TRIM2: variants seen among roughly 807,000 people sequenced by gnomAD.
The protein encoded by TRIM2 is tripartite motif-containing protein 2.
TRIM2 carries 20 observed loss-of-function variants against 75.2 expected under a neutral mutation model. The observed-to-expected ratio is 0.27, with a 90% CI of 0.19 to 0.39. The LOEUF (loss-of-function observed/expected upper bound fraction) is 0.39, where lower values mean the gene tolerates loss of function less well. Ranked by LOEUF, TRIM2 falls within the 10% of genes least tolerant of loss-of-function variation. TRIM2 has a pLI of 1.00. For missense variants in TRIM2, 660 were observed against 990.8 expected (o/e 0.67, Z 4.48); for synonymous variants, 373 against 388.3 (o/e 0.96, Z 0.46).
chr4:153,290,801 A>T (rs1761696539), intron 3 of TRIM2, among the ~76,000 whole-genome samples: 1 of 152,018 alleles, frequency 6.6e-6, no homozygotes, highest in Non-Finnish European at 1.5e-5. Flanking sequence ...TAATTTTTTA[A>T]ATTTTTTTCT....
chr4:153,269,656 A>G (rs145817068), intron 1 of TRIM2, among the ~76,000 whole-genome samples: 110 of 152,362 alleles, frequency 7.2e-4, no homozygotes, highest in African/African-American at 2.6e-3. Flanking sequence ...ATATGTTTAA[A>G]TATAGTCATG....
At chr4:153,209,377 A>G (rs1403760262) in intron 1 of TRIM2, among the ~76,000 whole-genome samples, 6 of 152,246 alleles carry the variant, frequency 3.9e-5, no homozygotes. Context: ...ACTCAACTGG[A>G]ATTGCACTCC....
At chr4:153,196,577 C>A (rs139119171) in intron 1 of TRIM2, among the ~76,000 whole-genome samples, 294 of 152,322 alleles carry the variant, frequency 1.9e-3, no homozygotes, top group African/African-American at 6.5e-3. Flanking sequence ...GTACCCAGCA[C>A]GTAACAAATG....
chr4:153,274,948 AG>A (rs1211465682), intron 2 of TRIM2, among the ~76,000 whole-genome samples: 1 of 152,202 alleles, frequency 6.6e-6, no homozygotes, highest in African/African-American at 2.4e-5. Context: ...CTCTGATGTC[AG>A]GTCTATTCAT....
upstream of TRIM2, among the ~76,000 whole-genome samples, chr4:153,199,973 A>C: frequency 8.0e-6 from 1 of 125,466 alleles, no homozygotes; most frequent in East Asian, 2.2e-4. Context: ...ATGGAGTCTC[A>C]CTCTGTCGCC....
At chr4:153,260,720 ACACAC>A (rs1753296298) in intron 1 of TRIM2, among the ~76,000 whole-genome samples, 1 of 88,776 alleles carries the variant, frequency 1.1e-5, no homozygotes, top group African/African-American at 4.5e-5. Flanking sequence ...ACACACACAC[ACACAC>A]ATCATCATCA....
chr4:153,276,371 C>T, intron 3 of TRIM2: 1 of 539,622 alleles, frequency 1.9e-6, no homozygotes, highest in African/African-American at 1.9e-5. Context: ...CCCAGGACAG[C>T]AAACCAGTAG....
At chr4:153,177,118 G>A (rs1245707305) in intron 1 of TRIM2, among the ~76,000 whole-genome samples, 3 of 152,202 alleles carry the variant, frequency 2.0e-5, no homozygotes, top group African/African-American at 7.2e-5. Context: ...TCAGGAGCTA[G>A]CATGGCTAAG....
intron 1 of TRIM2, among the ~76,000 whole-genome samples, chr4:153,244,450 G>C (rs1424749072): frequency 8.2e-6 from 1 of 122,586 alleles, no homozygotes; most frequent in African/African-American, 2.9e-5. Flanking sequence ...AATTAGAGAG[G>C]AGGCCTCACT....
At chr4:153,294,911 G>A (rs983306722) in intron 5 of TRIM2, among the ~76,000 whole-genome samples, 9 of 152,214 alleles carry the variant, frequency 5.9e-5, no homozygotes, top group Admixed American at 5.9e-4. Context: ...ATGTTCAGGT[G>A]TGGAGAGTTT....
chr4:153,263,655 G>A (rs540111435), intron 1 of TRIM2, among the ~76,000 whole-genome samples: 28 of 152,300 alleles, frequency 1.8e-4, no homozygotes, highest in African/African-American at 6.3e-4. Flanking sequence ...TACATAGTAT[G>A]TCGGAAGGCT....
intron 1 of TRIM2, among the ~76,000 whole-genome samples, chr4:153,221,597 A>G (rs1309795024): frequency 6.6e-6 from 1 of 152,116 alleles, no homozygotes; most frequent in African/African-American, 2.4e-5. Flanking sequence ...CCCAAAGAAG[A>G]TAAGGCCCTT....
chr4:153,203,016 A>C (rs191586399), upstream of TRIM2, among the ~76,000 whole-genome samples: 44 of 151,368 alleles, frequency 2.9e-4, no homozygotes, highest in Admixed American at 8.6e-4. Flanking sequence ...GAGGCACAAG[A>C]ATCACTTGAA....
chr4:153,335,204 C>T lies in TRIM2; in HGVS notation c.*238C>T. 2 of 1,203,128 alleles carry T rather than the reference C, an allele frequency of 1.7e-6. No individual in the cohort carries two copies. The highest frequency in any genetic ancestry group is 2.1e-6 in the Non-Finnish European group (2 of 967,228). 74.5% of individuals were successfully genotyped at this position (1,203,128 alleles called of 1,614,324 possible). A position where few individuals can be genotyped will look rare whatever the true frequency, so the allele number is the denominator to read the frequency against. ...ATCTATAAAAACTGCAGTTTTACAT[C>T]TGTGAACTATGGCTTAAGGGACAGG... On this transcript the variant is annotated 3_prime_UTR_variant, in exon 12 of 12. Coordinates refer to ENST00000338700, the MANE Select transcript of TRIM2 (RefSeq NM_015271.5).
At position 153,304,108 on chromosome 4, in the gene TRIM2, TTTTC is replaced by T. The variant is rs1339516958; in HGVS notation, c.1510+8088_1510+8091del. 7.9e-5 allele frequency among the ~76,000 whole-genome samples: 12 copies of T among 152,128 alleles called. No individual in the cohort carries two copies. The East Asian group carries it at 1.2e-3, about 15-fold the overall frequency. On this transcript the variant is annotated intron_variant, in intron 6 of 11. Coordinates refer to ENST00000338700, the MANE Select transcript of TRIM2 (RefSeq NM_015271.5). ...GGAAGGTTCCTAGAGATGACTTTTT[TTTTC>T]TTTCTTTCTTTCTTTTTTTGAGACA...
intron 1 of TRIM2, among the ~76,000 whole-genome samples, chr4:153,257,092 C>G (rs915474258): frequency 5.9e-5 from 9 of 152,194 alleles, no homozygotes; most frequent in Non-Finnish European, 1.2e-4. Context: ...CCAGTTTCTT[C>G]CTAGAATCTA....
chr4:153,337,858 G>C lies in TRIM2; in HGVS notation c.*2892G>C, dbSNP rs1772626003. Reference sequence around the variant, plus strand: ...CGTAAGGCAAAATATTGCCGGTTGGGATTTCAAGGTCAGTGACGACGCATT... The same window carrying C: ...CGTAAGGCAAAATATTGCCGGTTGGCATTTCAAGGTCAGTGACGACGCATT... On this transcript the variant is annotated 3_prime_UTR_variant, in exon 12 of 12. Coordinates refer to ENST00000338700, the MANE Select transcript of TRIM2 (RefSeq NM_015271.5). 1 of 985,666 alleles carries C rather than the reference G, an allele frequency of 1.0e-6. No individual in the cohort carries two copies. 61.1% of individuals were successfully genotyped at this position (985,666 alleles called of 1,614,324 possible).
upstream of TRIM2, among the ~76,000 whole-genome samples, chr4:153,199,984 C>G (rs1472105012): frequency 6.6e-6 from 1 of 150,526 alleles, no homozygotes; most frequent in East Asian, 1.9e-4. Flanking sequence ...CTCTGTCGCC[C>G]AGGCTGGAGT....
intron 1 of TRIM2, among the ~76,000 whole-genome samples, chr4:153,216,925 T>C (rs1323093691): frequency 6.6e-6 from 1 of 152,208 alleles, no homozygotes; most frequent in Non-Finnish European, 1.5e-5. Context: ...CAGTTAAGTT[T>C]CAACATACAA....
Sources: gnomAD v4.1 joint callset for allele counts (sites outside exome capture counted in the v4.1 genomes callset) on GRCh38, gnomAD v4.1.1 for gene constraint, MANE v1.5 for transcripts, NCBI Gene and HGNC (gene_info 2026-07-23, HGNC 2026-07-21) for gene names.